SPRR2G: variants seen among roughly 807,000 people sequenced by gnomAD.
SPRR2G encodes the protein small proline-rich protein 2G.
SPRR2G carries 1 observed loss-of-function variant against 0.7 expected under a neutral mutation model. That is an observed-to-expected ratio of 1.49 (90% CI 0.53 to 7.06). The LOEUF is 7.06. Among genes scored for constraint, SPRR2G ranks in the 30% most tolerant of loss-of-function variants. The pLI, the probability that SPRR2G is intolerant of heterozygous loss-of-function variation, is 0.14. For synonymous variants in SPRR2G, 38 were observed against 33.9 expected (o/e 1.12, Z -0.42); for missense variants, 96 against 88.5 (o/e 1.09, Z -0.34).
the SPRR2G span, among the ~76,000 whole-genome samples, chr1:153,165,326 C>T: frequency 3.3e-5 from 5 of 152,128 alleles, no homozygotes; most frequent in Non-Finnish European, 5.9e-5. Context: ...TTCATTGATT[C>T]AAGAACAGAG....
chr1:153,158,353 A>T, the SPRR2G span, among the ~76,000 whole-genome samples: 1 of 152,248 alleles, frequency 6.6e-6, no homozygotes, highest in African/African-American at 2.4e-5. Context: ...CACAGGTCCC[A>T]TGCAAGTCTG....
At chr1:153,175,576 G>A in the SPRR2G span, among the ~76,000 whole-genome samples, 1 of 152,124 alleles carries the variant, frequency 6.6e-6, no homozygotes, top group Non-Finnish European at 1.5e-5. Context: ...AAACTCTCAT[G>A]GATTCTTTCA....
At chr1:153,203,128 G>A in the SPRR2G span, among the ~76,000 whole-genome samples, 1 of 152,144 alleles carries the variant, frequency 6.6e-6, no homozygotes, top group Non-Finnish European at 1.5e-5. Flanking sequence ...AACTTTGAGG[G>A]TGGAAGAGGA....
At chr1:153,177,228 ATT>A in the SPRR2G span, among the ~76,000 whole-genome samples, 2 of 152,106 alleles carry the variant, frequency 1.3e-5, no homozygotes, top group Non-Finnish European at 2.9e-5. Context: ...CATTGTATGA[ATT>A]TTCCATAATT....
the SPRR2G span, among the ~76,000 whole-genome samples, chr1:153,175,691 G>A: frequency 6.6e-6 from 1 of 152,128 alleles, no homozygotes; most frequent in African/African-American, 2.4e-5. Flanking sequence ...CATTTGTTTT[G>A]TTTAATGTCT....
the SPRR2G span, among the ~76,000 whole-genome samples, chr1:153,166,267 G>A: frequency 3.9e-5 from 6 of 152,174 alleles, no homozygotes; most frequent in Non-Finnish European, 2.9e-5. Flanking sequence ...TTGTACCAAG[G>A]AGGGTTCTGC....
upstream of SPRR2G, among the ~76,000 whole-genome samples, chr1:153,154,968 C>T (rs757444773): frequency 1.3e-5 from 2 of 152,154 alleles, no homozygotes; most frequent in Non-Finnish European, 2.9e-5. Context: ...TTCCATCTTT[C>T]TCTAGAGTCT....
the SPRR2G span, among the ~76,000 whole-genome samples, chr1:153,173,697 A>G: frequency 6.6e-6 from 1 of 152,184 alleles, no homozygotes; most frequent in African/African-American, 2.4e-5. Flanking sequence ...GCTCTGAACT[A>G]CAGAGCGGTT....
At chr1:153,153,871 G>A (rs368320186), upstream of SPRR2G, among the ~76,000 whole-genome samples, 1 of 152,072 alleles carries the variant, frequency 6.6e-6, no homozygotes, top group African/African-American at 2.4e-5. Flanking sequence ...AACAGAGATG[G>A]CAAGAGTGAG....
the SPRR2G span, among the ~76,000 whole-genome samples, chr1:153,176,904 T>C: frequency 6.6e-6 from 1 of 152,200 alleles, no homozygotes; most frequent in Non-Finnish European, 1.5e-5. Flanking sequence ...ATAGAAACCA[T>C]AATCCTATCA....
chr1:153,168,357 T>C, the SPRR2G span, among the ~76,000 whole-genome samples: 805 of 152,336 alleles, frequency 5.3e-3, 11 homozygotes, highest in Middle Eastern at 0.02. Context: ...CATAGAAGTA[T>C]ATCAGGAGCT....
the SPRR2G span, among the ~76,000 whole-genome samples, chr1:153,164,133 A>G: frequency 6.6e-6 from 1 of 152,264 alleles, no homozygotes; most frequent in South Asian, 2.1e-4. Flanking sequence ...CAGGTTTTAC[A>G]TGATTTTAAA....
chr1:153,179,232 CCTTA>C, the SPRR2G span, among the ~76,000 whole-genome samples: 2 of 152,196 alleles, frequency 1.3e-5, no homozygotes, highest in Middle Eastern at 3.4e-3. Context: ...GGATTTTCTC[CCTTA>C]CTTAGAGTCA....
chr1:153,161,009 C>T, the SPRR2G span, among the ~76,000 whole-genome samples: 3 of 149,750 alleles, frequency 2.0e-5, no homozygotes, highest in African/African-American at 7.4e-5. Context: ...CCAAACACCA[C>T]ATGTTCTCAC....
the SPRR2G span, among the ~76,000 whole-genome samples, chr1:153,169,316 A>T: frequency 7.9e-5 from 12 of 152,310 alleles, no homozygotes; most frequent in Admixed American, 3.9e-4. Context: ...CAGTAATCCC[A>T]GCATTTTGAG....
chr1:153,187,910 G>A, the SPRR2G span, among the ~76,000 whole-genome samples: 1 of 152,168 alleles, frequency 6.6e-6, no homozygotes, highest in Non-Finnish European at 1.5e-5. Context: ...TTTTGTTGAT[G>A]TTGATGTTAT....
At chr1:153,171,460 G>T in the SPRR2G span, among the ~76,000 whole-genome samples, 1 of 152,092 alleles carries the variant, frequency 6.6e-6, no homozygotes, top group African/African-American at 2.4e-5. Flanking sequence ...TGAGAATTTG[G>T]GTTATACGGA....
the SPRR2G span, among the ~76,000 whole-genome samples, chr1:153,177,767 T>A: frequency 6.7e-4 from 102 of 152,220 alleles, no homozygotes; most frequent in African/African-American, 2.4e-3. Context: ...TGAAACCAGA[T>A]AGTGTGAGAC....
chr1:153,149,965 G>A lies in SPRR2G; in HGVS notation c.146C>T (p.Pro49Leu). The A allele has an allele frequency of 6.2e-7, 1 of 1,614,116 alleles. No individual in the cohort carries two copies. Among genetic ancestry groups the A allele is most frequent in the South Asian group, 1.1e-5 (1 of 91,088 alleles). Residue 49 changes from proline to leucine, a missense_variant, in exon 2 of 2, where the codon CCA becomes CTA. Physicochemically the swap from Pro to Leu is moderately conservative, Grantham distance 98. Transcript: ENST00000368748. ...PPCPPEHCPP[P>L]PCQDKCPPVQ... ...AGGAGGGCATTTATCCTGGCATGGTGGAGGTGGGCAATGCTCAGGTGGACA... is the reference window on the plus strand; with the variant it reads ...AGGAGGGCATTTATCCTGGCATGGTAGAGGTGGGCAATGCTCAGGTGGACA...
Sources: allele counts gnomAD v4.1 joint callset (sites outside exome capture counted in the v4.1 genomes callset), GRCh38; gene constraint gnomAD v4.1.1; transcripts MANE v1.5; gene names NCBI Gene and HGNC (gene_info 2026-07-23, HGNC 2026-07-21).